The following LHFPL3 variants were observed in gnomAD, a reference collection of about 807,000 sequenced individuals.
LHFPL3 encodes the protein LHFPL tetraspan subfamily member 3 protein.
LHFPL3 carries 5 observed loss-of-function variants against 19.3 expected under a neutral mutation model. The observed-to-expected ratio is 0.26, with a 90% CI of 0.14 to 0.54. The LOEUF is 0.54. LHFPL3 is among the 20% of genes least tolerant of loss of function. The pLI, the probability that LHFPL3 is intolerant of heterozygous loss-of-function variation, is 0.94. For synonymous variants in LHFPL3, 133 were observed against 126.2 expected, an observed-to-expected ratio of 1.05 and a Z score of -0.36; for missense variants, 249 against 307.4, an observed-to-expected ratio of 0.81 and a Z score of 1.42.
intron 1 of LHFPL3, among the ~76,000 whole-genome samples, chr7:104,359,363 A>T (rs1237913148): frequency 6.6e-6 from 1 of 152,226 alleles, no homozygotes; most frequent in Non-Finnish European, 1.5e-5. Flanking sequence ...GTTAAAAATA[A>T]AATTTAAAAT....
intron 1 of LHFPL3, among the ~76,000 whole-genome samples, chr7:104,530,111 G>A (rs942550031): frequency 5.9e-5 from 9 of 152,146 alleles, no homozygotes; most frequent in East Asian, 1.9e-4. Flanking sequence ...TTTGAGTGAG[G>A]CATTGAGATA....
At chr7:104,387,678 A>AT (rs995524284) in intron 1 of LHFPL3, among the ~76,000 whole-genome samples, 1 of 152,220 alleles carries the variant, frequency 6.6e-6, no homozygotes, top group African/African-American at 2.4e-5. Flanking sequence ...AATTTCCTAA[A>AT]TTTGATGAAA....
intron 1 of LHFPL3, among the ~76,000 whole-genome samples, chr7:104,351,546 G>C (rs1790174718): frequency 1.3e-5 from 2 of 152,052 alleles, no homozygotes; most frequent in African/African-American, 4.8e-5. Context: ...TGTAAAACGA[G>C]GCTGATAAAA....
intron 2 of LHFPL3, among the ~76,000 whole-genome samples, chr7:104,757,024 A>G (rs931696169): frequency 6.6e-6 from 1 of 152,196 alleles, no homozygotes; most frequent in Non-Finnish European, 1.5e-5. Flanking sequence ...GAGAAAAAAG[A>G]AAGTGATAGG....
At chr7:104,650,831 A>AGTC (rs1792019654) in intron 1 of LHFPL3, among the ~76,000 whole-genome samples, 1 of 152,234 alleles carries the variant, frequency 6.6e-6, no homozygotes, top group African/African-American at 2.4e-5. Context: ...CAAAATGGAC[A>AGTC]ACCGCTTATG....
chr7:104,759,404 T>A (rs1794338264), intron 2 of LHFPL3, among the ~76,000 whole-genome samples: 1 of 152,186 alleles, frequency 6.6e-6, no homozygotes, highest in Non-Finnish European at 1.5e-5. Flanking sequence ...ATTTTAATAA[T>A]ATATTTAACC....
chr7:104,389,055 G>A (rs1048849155), intron 1 of LHFPL3, among the ~76,000 whole-genome samples: 1 of 152,144 alleles, frequency 6.6e-6, no homozygotes, highest in Non-Finnish European at 1.5e-5. Flanking sequence ...AGAAGGCATT[G>A]AGATTGGAAA....
chr7:104,360,908 C>G (rs1179241189), intron 1 of LHFPL3, among the ~76,000 whole-genome samples: 5 of 152,158 alleles, frequency 3.3e-5, no homozygotes, highest in Non-Finnish European at 7.3e-5. Flanking sequence ...CTAAATTCCT[C>G]TTGTGGACTG....
intron 1 of LHFPL3, among the ~76,000 whole-genome samples, chr7:104,629,427 G>A (rs1056607908): frequency 1.9e-4 from 29 of 152,026 alleles, no homozygotes; most frequent in African/African-American, 7.0e-4. Flanking sequence ...CTTTGTTTCT[G>A]AGGGCTACAA....
chr7:104,557,240 A>T (rs953480165), intron 1 of LHFPL3, among the ~76,000 whole-genome samples: 1 of 152,108 alleles, frequency 6.6e-6, no homozygotes. Context: ...TGTGTTAGTC[A>T]TTTTTCACAC....
intron 1 of LHFPL3, among the ~76,000 whole-genome samples, chr7:104,371,574 A>G (rs1474301900): frequency 6.6e-6 from 1 of 152,086 alleles, no homozygotes; most frequent in Non-Finnish European, 1.5e-5. Context: ...TTATGCTTTC[A>G]TTGCTTAACT....
intron 2 of LHFPL3, among the ~76,000 whole-genome samples, chr7:104,884,559 G>A (rs1792114675): frequency 7.4e-6 from 1 of 134,548 alleles, no homozygotes; most frequent in Non-Finnish European, 1.7e-5. Flanking sequence ...GTCTTAGTAA[G>A]ATCTTTTTTT....
At chr7:104,375,820 G>A (rs933510013) in intron 1 of LHFPL3, among the ~76,000 whole-genome samples, 2 of 152,142 alleles carry the variant, frequency 1.3e-5, no homozygotes, top group African/African-American at 4.8e-5. Flanking sequence ...TTCCAAAGAA[G>A]GCATTATTAC....
intron 2 of LHFPL3, among the ~76,000 whole-genome samples, chr7:104,854,290 G>A (rs1395648582): frequency 6.6e-6 from 1 of 152,168 alleles, no homozygotes; most frequent in Non-Finnish European, 1.5e-5. Flanking sequence ...ATCCATATTT[G>A]AGTGCATTCT....
At chr7:104,460,227 C>T (rs1371073142) in intron 1 of LHFPL3, among the ~76,000 whole-genome samples, 1 of 152,202 alleles carries the variant, frequency 6.6e-6, no homozygotes, top group Admixed American at 6.5e-5. Flanking sequence ...ATATGTACCA[C>T]ATTTTCTTTA....
intron 1 of LHFPL3, among the ~76,000 whole-genome samples, chr7:104,659,538 T>C (rs1318500582): frequency 6.6e-6 from 1 of 152,226 alleles, no homozygotes; most frequent in African/African-American, 2.4e-5. Flanking sequence ...TTTTCCTGAA[T>C]GCTTCTGGTG....
intron 1 of LHFPL3, among the ~76,000 whole-genome samples, chr7:104,535,077 T>C (rs1794367815): frequency 6.6e-6 from 1 of 152,152 alleles, no homozygotes; most frequent in African/African-American, 2.4e-5. Flanking sequence ...ATGTTTTTGG[T>C]CCTCCTAACC....
rs555803070 is a variant in LHFPL3, at chr7:104,665,095, G to A, written c.446-71580G>A. Among the ~76,000 whole-genome samples the A allele has an allele frequency of 2.0e-5, 3 of 152,270 alleles. No homozygotes were observed. The South Asian group carries it at 6.2e-4, about 32-fold the overall frequency. ...GCACTTAATCACTAATTTGATTATA[G>A]TTAAATATTTCTCACCCAGATACAT... On this transcript the variant is annotated intron_variant, in intron 1 of 2. Coordinates refer to ENST00000424859, the MANE Select transcript of LHFPL3 (RefSeq NM_199000.3).
intron 1 of LHFPL3, among the ~76,000 whole-genome samples, chr7:104,695,439 C>CT (rs35888757): frequency 6.6e-6 from 1 of 152,112 alleles, no homozygotes; most frequent in Admixed American, 6.5e-5. Context: ...GGTATATAAC[C>CT]TTTTTTGTTG....
Sources: allele counts gnomAD v4.1 joint callset (sites outside exome capture counted in the v4.1 genomes callset), GRCh38; gene constraint gnomAD v4.1.1; transcripts MANE v1.5; gene names NCBI Gene and HGNC (gene_info 2026-07-23, HGNC 2026-07-21).